The following PPP6R3 variants were observed in gnomAD, a reference collection of about 807,000 sequenced individuals.
PPP6R3 encodes serine/threonine-protein phosphatase 6 regulatory subunit 3.
A neutral mutation model predicts 110.7 loss-of-function variants in PPP6R3; 38 were observed. The observed-to-expected ratio is 0.34, with a 90% confidence interval of 0.26 to 0.45. The LOEUF is 0.45. Ranked by LOEUF, PPP6R3 falls within the 20% of genes least tolerant of loss-of-function variation. The pLI is 1.00. For missense variants in PPP6R3, 870 were observed against 1,062.4 expected (o/e 0.82, Z 2.52); for synonymous variants, 369 against 373.5 (o/e 0.99, Z 0.14).
At chr11:68,565,820 ATGT>A (rs1165219684) in intron 9 of PPP6R3, among the ~76,000 whole-genome samples, 1 of 152,084 alleles carries the variant, frequency 6.6e-6, no homozygotes, top group East Asian at 1.9e-4. Flanking sequence ...TTACTGTATG[ATGT>A]GTCTGTAAGT....
chr11:68,570,212 A>G (rs532192307), intron 11 of PPP6R3, among the ~76,000 whole-genome samples: 1 of 152,328 alleles, frequency 6.6e-6, no homozygotes, highest in Admixed American at 6.5e-5. Context: ...ACTATGGAAA[A>G]CATTTGCACT....
At chr11:68,503,944 G>A (rs1345491197) in intron 1 of PPP6R3, among the ~76,000 whole-genome samples, 1 of 152,192 alleles carries the variant, frequency 6.6e-6, no homozygotes, top group Non-Finnish European at 1.5e-5. Context: ...GTGGAAACAG[G>A]CTTTCACACA....
At position 68,587,989 on chromosome 11, in the gene PPP6R3, C is replaced by T. The variant is rs146428850; in HGVS notation, c.1695C>T (p.Asn565=). Residue 565 remains asparagine (N), a synonymous_variant, in exon 16 of 24, where the codon AAC becomes AAT. Coordinates refer to ENST00000393800, the MANE Select transcript of PPP6R3 (RefSeq NM_001164161.2). ...TSNFIDQFGF[N]DEKFADQDDI... is the part of the protein sequence containing the mutation. ...ATTTTATTGACCAGTTTGGCTTCAACGATGAGAAGTTTGCAGATCAAGATG... is the reference window on the plus strand; with the variant it reads ...ATTTTATTGACCAGTTTGGCTTCAATGATGAGAAGTTTGCAGATCAAGATG... 60 of 1,614,146 alleles carry T rather than the reference C, an allele frequency of 3.7e-5. No individual in the cohort carries two copies. Among genetic ancestry groups the T allele is most frequent in the Non-Finnish European group, 4.7e-5 (56 of 1,180,016 alleles).
intron 1 of PPP6R3, among the ~76,000 whole-genome samples, chr11:68,492,281 C>A (rs886964585): frequency 6.6e-6 from 1 of 152,134 alleles, no homozygotes; most frequent in Non-Finnish European, 1.5e-5. Context: ...CTCAACCTCC[C>A]TAGTAGTTGG....
intron 12 of PPP6R3, 109 bp downstream of exon 12, chr11:68,571,213 C>G (rs915627061): frequency 7.5e-7 from 1 of 1,329,882 alleles, no homozygotes; most frequent in African/African-American, 1.5e-5. Context: ...ATGATACTGG[C>G]CATTTTACAA....
At chr11:68,489,951 A>G (rs2098973456) in intron 1 of PPP6R3, among the ~76,000 whole-genome samples, 1 of 152,198 alleles carries the variant, frequency 6.6e-6, no homozygotes, top group Admixed American at 6.5e-5. Context: ...GCATAAATAC[A>G]TAAGGAAGCA....
chr11:68,497,132 C>T (rs1340907060), intron 1 of PPP6R3, among the ~76,000 whole-genome samples: 4 of 151,262 alleles, frequency 2.6e-5, no homozygotes, highest in Non-Finnish European at 4.4e-5. Context: ...CTGCAAGCTC[C>T]GCCTCCCGGG....
intron 1 of PPP6R3, among the ~76,000 whole-genome samples, chr11:68,499,044 A>G (rs577008092): frequency 4.6e-5 from 7 of 152,314 alleles, no homozygotes; most frequent in Admixed American, 1.3e-4. Context: ...TACAGTAGTG[A>G]GGTCATACGT....
chr11:68,536,035 C>T (rs1393777381), intron 2 of PPP6R3, among the ~76,000 whole-genome samples: 1 of 152,056 alleles, frequency 6.6e-6, no homozygotes, highest in East Asian at 1.9e-4. Flanking sequence ...TCAGTGATCT[C>T]ATTGCCTATC....
chr11:68,545,363 A>G (rs1349545221), intron 4 of PPP6R3, among the ~76,000 whole-genome samples: 2 of 152,242 alleles, frequency 1.3e-5, no homozygotes, highest in East Asian at 3.8e-4. Context: ...ATATGTCACC[A>G]AACAATTGCT....
intron 1 of PPP6R3, among the ~76,000 whole-genome samples, chr11:68,484,251 G>T (rs939678363): frequency 5.9e-5 from 9 of 152,162 alleles, no homozygotes; most frequent in Admixed American, 5.9e-4. Context: ...TATGATTACT[G>T]TATTGTACAG....
intron 12 of PPP6R3, among the ~76,000 whole-genome samples, chr11:68,571,733 T>C (rs2099508397): frequency 6.6e-6 from 1 of 152,176 alleles, no homozygotes; most frequent in South Asian, 2.1e-4. Flanking sequence ...TAAGGGCGTG[T>C]TTGGGAAACA....
intron 2 of PPP6R3, among the ~76,000 whole-genome samples, chr11:68,524,548 G>T (rs1418897931): frequency 6.6e-6 from 1 of 152,102 alleles, no homozygotes; most frequent in Non-Finnish European, 1.5e-5. Flanking sequence ...CGTAATATTA[G>T]AACTTTCTAT....
chr11:68,500,620 G>C (rs2099043597), intron 1 of PPP6R3, among the ~76,000 whole-genome samples: 1 of 152,180 alleles, frequency 6.6e-6, no homozygotes, highest in African/African-American at 2.4e-5. Flanking sequence ...TGGGACTGCA[G>C]GTACGTGCCA....
At chr11:68,581,388 G>A (rs555998085) in intron 14 of PPP6R3, among the ~76,000 whole-genome samples, 3 of 152,342 alleles carry the variant, frequency 2.0e-5, no homozygotes, top group Admixed American at 6.5e-5. Flanking sequence ...AAAAGCGAAA[G>A]TGTGAATGAG....
chr11:68,549,499 G>A (rs1340231545), intron 5 of PPP6R3, among the ~76,000 whole-genome samples: 10 of 152,072 alleles, frequency 6.6e-5, no homozygotes, highest in African/African-American at 2.4e-4. Flanking sequence ...TAAACAGCTG[G>A]GTGTATCTAG....
chr11:68,588,501 C>T (rs902040151), intron 16 of PPP6R3, among the ~76,000 whole-genome samples: 5 of 151,862 alleles, frequency 3.3e-5, no homozygotes, highest in Non-Finnish European at 2.9e-5. Context: ...TCTGTTGCCC[C>T]GGCTGGAGTG....
intron 18 of PPP6R3, among the ~76,000 whole-genome samples, chr11:68,595,834 C>T (rs745872841): frequency 6.6e-6 from 1 of 152,142 alleles, no homozygotes; most frequent in African/African-American, 2.4e-5. Context: ...ACACCTCCAC[C>T]CCTTCGAGAA....
At chr11:68,479,925 A>G (rs1482742967) in intron 1 of PPP6R3, among the ~76,000 whole-genome samples, 1 of 151,772 alleles carries the variant, frequency 6.6e-6, no homozygotes, top group African/African-American at 2.4e-5. Flanking sequence ...TTTTTTATGA[A>G]CAGGGTTTTG....
Sources: allele counts gnomAD v4.1 joint callset (sites outside exome capture counted in the v4.1 genomes callset), GRCh38; gene constraint gnomAD v4.1.1; transcripts MANE v1.5; gene names NCBI Gene and HGNC (gene_info 2026-07-23, HGNC 2026-07-21).